Variants in MECOM observed in about 807,000 individuals in gnomAD.
MECOM encodes the protein histone-lysine N-methyltransferase MECOM.
Under a neutral mutation model 116.3 loss-of-function variants are expected in MECOM, and 13 were observed. The observed-to-expected ratio is 0.11, with a 90% CI of 0.07 to 0.18. The LOEUF (loss-of-function observed/expected upper bound fraction) is 0.18. Among genes scored for constraint, MECOM ranks in the 10% least tolerant of loss-of-function variants. The pLI is 1.00. For synonymous variants in MECOM, 528 were observed against 535.2 expected, an observed-to-expected ratio of 0.99 and a Z score of 0.19; for missense variants, 1,299 against 1,509.0, an observed-to-expected ratio of 0.86 and a Z score of 2.31.
intron 2 of MECOM, among the ~76,000 whole-genome samples, chr3:169,220,945 A>AAAGG (rs1272729544): frequency 1.3e-5 from 2 of 152,226 alleles, no homozygotes; most frequent in Non-Finnish European, 2.9e-5. Flanking sequence ...ATCAATGAAT[A>AAAGG]AAGGAAGGAA....
At chr3:169,339,865 T>C (rs553573726) in intron 2 of MECOM, among the ~76,000 whole-genome samples, 9 of 152,302 alleles carry the variant, frequency 5.9e-5, no homozygotes, top group Non-Finnish European at 1.2e-4. Context: ...TTAAATTTTA[T>C]ATTGTCTAAA....
intron 1 of MECOM, among the ~76,000 whole-genome samples, chr3:169,432,929 TTACTA>T (rs1741883152): frequency 6.6e-6 from 1 of 152,204 alleles, no homozygotes; most frequent in Admixed American, 6.5e-5. Context: ...TTCTAACTGT[TTACTA>T]TGTGATTAGA....
intron 2 of MECOM, among the ~76,000 whole-genome samples, chr3:169,306,997 T>G (rs1392471953): frequency 1.3e-5 from 2 of 152,224 alleles, no homozygotes; most frequent in Admixed American, 1.3e-4. Flanking sequence ...GTCCACTTGA[T>G]GCCAACATTT....
intron 12 of MECOM, among the ~76,000 whole-genome samples, chr3:169,095,450 A>G (rs1576866511): frequency 6.6e-6 from 1 of 152,200 alleles, no homozygotes; most frequent in East Asian, 1.9e-4. Flanking sequence ...ATCAGAAACC[A>G]TAATAAAATA....
intron 1 of MECOM, among the ~76,000 whole-genome samples, chr3:169,496,652 G>A (rs933887634): frequency 1.3e-5 from 2 of 152,122 alleles, no homozygotes; most frequent in African/African-American, 2.4e-5. Flanking sequence ...AAATTCTTTC[G>A]TTCAGTATCT....
At chr3:169,405,679 C>G (rs746949852) in intron 1 of MECOM, among the ~76,000 whole-genome samples, 1 of 152,346 alleles carries the variant, frequency 6.6e-6, no homozygotes, top group African/African-American at 2.4e-5. Context: ...TTAGTACTTT[C>G]TAATACTTAC....
At chr3:169,148,121 T>C (rs1460708354) in intron 2 of MECOM, among the ~76,000 whole-genome samples, 1 of 152,216 alleles carries the variant, frequency 6.6e-6, no homozygotes, top group Non-Finnish European at 1.5e-5. Flanking sequence ...CATATTTTTC[T>C]TTAAAGATAT....
In MECOM at chr3:169,209,594, T is replaced by C. The variant is rs369633618; in HGVS notation, c.376-65762A>G. On this transcript the variant is annotated intron_variant, in intron 2 of 16. Transcript: ENST00000651503. ...AAGACATTTATGTGGCTAACAAACA[T>C]AGGAAAAAAAGCTCAATATCACTGA... 4.6e-5 allele frequency among the ~76,000 whole-genome samples: 7 copies of C among 151,828 alleles called. No individual in the cohort carries two copies. The East Asian group carries it at 1.4e-3, about 29-fold the overall frequency.
intron 2 of MECOM, among the ~76,000 whole-genome samples, chr3:169,270,131 C>T (rs1249020878): frequency 2.0e-5 from 3 of 152,144 alleles, no homozygotes; most frequent in Non-Finnish European, 2.9e-5. Context: ...TATAAACTCA[C>T]TGATCCCGGT....
At chr3:169,632,996 C>T (rs566969764) in intron 1 of MECOM, among the ~76,000 whole-genome samples, 2 of 152,324 alleles carry the variant, frequency 1.3e-5, no homozygotes, top group African/African-American at 4.8e-5. Context: ...AGCAATGGAC[C>T]TATCATCTGC....
At chr3:169,602,805 A>G (rs12487498) in intron 1 of MECOM, among the ~76,000 whole-genome samples, 96,626 of 152,062 alleles carry the variant, frequency 0.64, 31,010 homozygotes, top group East Asian at 0.74. Context: ...CATGAGCTGC[A>G]GAGCTATGAA....
intron 2 of MECOM, among the ~76,000 whole-genome samples, 191 bp downstream of exon 2, chr3:169,380,996 C>G (rs1340708774): frequency 6.6e-6 from 1 of 152,084 alleles, no homozygotes; most frequent in Non-Finnish European, 1.5e-5. Flanking sequence ...TGGGTTCCCT[C>G]CTATCACGCT....
At chr3:169,110,562 T>C (rs1727023857) in intron 9 of MECOM, among the ~76,000 whole-genome samples, 1 of 152,112 alleles carries the variant, frequency 6.6e-6, no homozygotes, top group Admixed American at 6.6e-5. Flanking sequence ...AGTCGGTAAA[T>C]AGCCTTTGCC....
chr3:169,538,874 A>G (rs1759714449), intron 1 of MECOM, among the ~76,000 whole-genome samples: 1 of 152,218 alleles, frequency 6.6e-6, no homozygotes, highest in Non-Finnish European at 1.5e-5. Flanking sequence ...AGAGAAGAAT[A>G]GAGTTCTTAC....
At chr3:169,636,281 A>AG (rs1475031921) in intron 1 of MECOM, among the ~76,000 whole-genome samples, 5 of 152,198 alleles carry the variant, frequency 3.3e-5, no homozygotes, top group African/African-American at 1.2e-4. Flanking sequence ...ACTTTCCTAA[A>AG]ACCAAGTTTT....
chr3:169,163,737 C>T (rs1266866098), intron 2 of MECOM, among the ~76,000 whole-genome samples: 3 of 152,134 alleles, frequency 2.0e-5, no homozygotes, highest in Admixed American at 2.0e-4. Flanking sequence ...ACCTGAAAGA[C>T]TGGTCTGTTA....
At chr3:169,625,034 GAAA>G (rs35241873) in intron 1 of MECOM, among the ~76,000 whole-genome samples, 2 of 134,080 alleles carry the variant, frequency 1.5e-5, no homozygotes, top group Admixed American at 7.5e-5. Context: ...TTTGTCCTTG[GAAA>G]AAAAAAAAAA....
chr3:169,227,746 TA>T (rs1393661957), intron 2 of MECOM, among the ~76,000 whole-genome samples: 1 of 152,162 alleles, frequency 6.6e-6, no homozygotes, highest in Non-Finnish European at 1.5e-5. Flanking sequence ...ATGCTTGTTT[TA>T]AAAAGGAAAC....
chr3:169,314,035 T>C (rs755779601), intron 2 of MECOM, among the ~76,000 whole-genome samples: 2 of 152,202 alleles, frequency 1.3e-5, no homozygotes, highest in Admixed American at 6.5e-5. Context: ...AGGTTCCTTA[T>C]GGACCCAGTC....
Sources: gnomAD v4.1 joint callset for allele counts (sites outside exome capture counted in the v4.1 genomes callset) on GRCh38, gnomAD v4.1.1 for gene constraint, MANE v1.5 for transcripts, NCBI Gene and HGNC (gene_info 2026-07-23, HGNC 2026-07-21) for gene names.